The following TDRD1 variants were observed in gnomAD, a reference collection of about 807,000 sequenced individuals.
TDRD1 encodes the protein tudor domain-containing protein 1.
In TDRD1, 37 loss-of-function variants were observed where a neutral mutation model predicts 140.6. That is an observed-to-expected ratio of 0.26 (90% CI 0.20 to 0.35). TDRD1 has a LOEUF of 0.35. TDRD1 is among the 10% of genes least tolerant of loss of function. The probability of loss-of-function intolerance (pLI) is 1.00; values close to 1 mark genes in which losing one functional copy is unlikely to be tolerated. For missense variants in TDRD1, 1,243 were observed against 1,393.0 expected, an observed-to-expected ratio of 0.89 and a Z score of 1.71; for synonymous variants, 506 against 475.7, an observed-to-expected ratio of 1.06 and a Z score of -0.83.
exon 4 of TDRD1, chr10:114,199,258 T>A (rs1051610175): frequency 1.1e-5 from 18 of 1,613,942 alleles, no homozygotes; most frequent in Non-Finnish European, 1.4e-5. Flanking sequence ...AATCCAGGGC[T>A]CTTCACCTCC....
chr10:114,178,012 TTTTTA>T (rs1451128536), upstream of TDRD1, among the ~76,000 whole-genome samples: 1 of 151,856 alleles, frequency 6.6e-6, no homozygotes, highest in African/African-American at 2.4e-5. Context: ...TTTTTTTATT[TTTTTA>T]TTTTAAGTAG....
At chr10:114,220,603 G>A in exon 19 of TDRD1, 1 of 1,613,352 alleles carries the variant, frequency 6.2e-7, no homozygotes, top group Non-Finnish European at 8.5e-7. Context: ...GTCTGAAGAA[G>A]CCATAACAAG....
In TDRD1 at chr10:114,204,225, CTT is replaced by C. The variant is rs375785097; in HGVS notation, c.1125+12_1125+13del. ...ACTTGTTTCCTCCTTGTGTGAGTCTCTTTTACTTTCTAGATTTTTAATAGTGT... is the reference window on the plus strand; with the variant it reads ...ACTTGTTTCCTCCTTGTGTGAGTCTCTTACTTTCTAGATTTTTAATAGTGT... On this transcript the variant is annotated intron_variant, in intron 9 of 25. Coordinates refer to ENST00000251864, the Ensembl canonical transcript of TDRD1. The C allele has an allele frequency of 8.9e-6, 14 of 1,574,402 alleles. No individual in the cohort carries two copies. In the African/African-American group the frequency reaches 1.7e-4, roughly 19 times the overall value.
At chr10:114,189,110 C>T (rs1043226885) in intron 2 of TDRD1, among the ~76,000 whole-genome samples, 3 of 152,208 alleles carry the variant, frequency 2.0e-5, no homozygotes, top group African/African-American at 7.2e-5. Flanking sequence ...CAGCTTAAGG[C>T]AGGAGCGCCA....
rs907429258 is a variant in TDRD1, at chr10:114,221,568, A to C, written c.2890+92A>C. Reference sequence around the variant, plus strand: ...TTGAATTCCTTTGGGAATGAAGGGGAGAAAGAGGCTCACTGTTTTAAGGAA... The same window carrying C: ...TTGAATTCCTTTGGGAATGAAGGGGCGAAAGAGGCTCACTGTTTTAAGGAA... On this transcript the variant is annotated intron_variant, in intron 20 of 25. Transcript: ENST00000251864. 3 of 1,222,776 alleles carry C rather than the reference A, an allele frequency of 2.5e-6. No homozygotes were observed. In the African/African-American group the frequency reaches 4.6e-5, roughly 19 times the overall value. The allele number at this position is 1,222,776 out of a possible 1,614,324, so 75.7% of individuals were successfully genotyped here.
At chr10:114,227,428 C>A in intron 23 of TDRD1, 129 bp downstream of exon 23, 1 of 728,860 alleles carries the variant, frequency 1.4e-6, no homozygotes, top group Non-Finnish European at 2.3e-6. Flanking sequence ...AATCCAGTGG[C>A]AGGGTTCTGA....
intron 1 of TDRD1, among the ~76,000 whole-genome samples, chr10:114,183,752 G>A (rs1254322118): frequency 1.4e-5 from 2 of 146,676 alleles, no homozygotes; most frequent in Non-Finnish European, 3.0e-5. Context: ...CCAAGCTGGA[G>A]TGCAGTGGCG....
chr10:114,227,362 T>C, intron 23 of TDRD1, 63 bp downstream of exon 23: 1 of 1,201,362 alleles, frequency 8.3e-7, no homozygotes. Context: ...ATAATCAATT[T>C]AGTTGACTTG....
Position 114,218,421 on chromosome 10 carries a change from T to A in TDRD1, c.2331T>A (p.Gly777=), listed in dbSNP as rs763895767. Reference sequence around the variant, plus strand: ...ACTGTGTGTTAAACCTAGGTGATGGTAGTTGGTATCGTGCTTTAGTCAAGG... The same window carrying A: ...ACTGTGTGTTAAACCTAGGTGATGGAAGTTGGTATCGTGCTTTAGTCAAGG... Residue 777 remains glycine (G), a synonymous_variant, in exon 18 of 26, where the codon GGT becomes GGA. Coordinates refer to ENST00000251864, the Ensembl canonical transcript of TDRD1. The A allele has an allele frequency of 6.3e-6, 10 of 1,579,024 alleles. No individual in the cohort carries two copies. The African/African-American group carries it at 1.4e-4, about 21-fold the overall frequency.
intron 15 of TDRD1, among the ~76,000 whole-genome samples, 155 bp from the exon 16 acceptor site, chr10:114,213,822 A>G (rs1027790733): frequency 6.6e-6 from 1 of 152,184 alleles, no homozygotes; most frequent in African/African-American, 2.4e-5. Context: ...TTAGATAATA[A>G]TTTATTGTAA....
At chr10:114,194,666 T>A (rs992009196) in intron 3 of TDRD1, among the ~76,000 whole-genome samples, 1 of 151,936 alleles carries the variant, frequency 6.6e-6, no homozygotes, top group African/African-American at 2.4e-5. Context: ...ATTTCTTCTT[T>A]TATCTTTATT....
At chr10:114,203,281 C>G in intron 7 of TDRD1, 105 bp downstream of exon 7, 1 of 1,492,894 alleles carries the variant, frequency 6.7e-7, no homozygotes, top group South Asian at 1.3e-5. Context: ...ATAAACATTG[C>G]AAAAACTGCC....
chr10:114,222,655 C>T (rs1173303589), exon 21 of TDRD1: 1 of 1,613,154 alleles, frequency 6.2e-7, no homozygotes, highest in Non-Finnish European at 8.5e-7. Context: ...GAAAAGTCGA[C>T]CACCCTATAG....
chr10:114,206,613 T>G (rs939087353), intron 11 of TDRD1, among the ~76,000 whole-genome samples: 1 of 57,844 alleles, frequency 1.7e-5, no homozygotes. Context: ...TAGGGTTTGT[T>G]TTTTTTTTTT....
At chr10:114,180,618 C>T (rs1011858217) in intron 1 of TDRD1, among the ~76,000 whole-genome samples, 1 of 152,068 alleles carries the variant, frequency 6.6e-6, no homozygotes, top group African/African-American at 2.4e-5. Context: ...GGCCAGCCAC[C>T]GGCGCCCTGC....
chr10:114,214,986 C>G (rs999417170), intron 16 of TDRD1, among the ~76,000 whole-genome samples: 2 of 152,138 alleles, frequency 1.3e-5, no homozygotes, highest in Admixed American at 1.3e-4. Flanking sequence ...TGTGAATCCA[C>G]CTGCCTCGGC....
rs73355775 is a variant in TDRD1 at position 114,186,747 on chromosome 10, G to A, written c.-6-1079G>A. Among the ~76,000 whole-genome samples the A allele has an allele frequency of 1.8e-3, 279 of 152,074 alleles. 2 individuals are homozygous for A. Among genetic ancestry groups the A allele is most frequent in the African/African-American group, 6.5e-3 (268 of 41,478 alleles). On this transcript the variant is annotated intron_variant, in intron 1 of 25. Transcript: ENST00000251864. ...TCTGTTAGGGGTCTTCTCAGGGTCTGGTCCAATAAGAGTTCCCTACTTTCG... is the reference window on the plus strand; with the variant it reads ...TCTGTTAGGGGTCTTCTCAGGGTCTAGTCCAATAAGAGTTCCCTACTTTCG...
chr10:114,223,536 G>A (rs909927868), intron 21 of TDRD1, among the ~76,000 whole-genome samples: 5 of 152,160 alleles, frequency 3.3e-5, no homozygotes, highest in Non-Finnish European at 5.9e-5. Context: ...GCACAAGTTG[G>A]GGACCTTCAA....
At chr10:114,215,620 A>T (rs2035771007) in intron 16 of TDRD1, among the ~76,000 whole-genome samples, 1 of 152,178 alleles carries the variant, frequency 6.6e-6, no homozygotes, top group Admixed American at 6.5e-5. Flanking sequence ...AGGACATTAA[A>T]GTAGATAACT....
Sources: allele counts gnomAD v4.1 joint callset (sites outside exome capture counted in the v4.1 genomes callset), GRCh38; gene constraint gnomAD v4.1.1; transcripts MANE v1.5; gene names NCBI Gene and HGNC (gene_info 2026-07-23, HGNC 2026-07-21).